CEP128: variants seen among roughly 807,000 people sequenced by gnomAD.
CEP128 encodes the protein centrosomal protein 128, also known as centrosomal protein 128kDa.
CEP128 carries 132 observed loss-of-function variants against 156.7 expected under a neutral mutation model. That is an observed-to-expected ratio of 0.84 (90% CI 0.73 to 0.97). The LOEUF (loss-of-function observed/expected upper bound fraction) is 0.97. Ranked by LOEUF, CEP128 falls within the 50% of genes least tolerant of loss-of-function variation. CEP128 has a pLI of 0.00. For missense variants in CEP128, 1,252 were observed against 1,281.9 expected (o/e 0.98, Z 0.36); for synonymous variants, 469 against 448.9 (o/e 1.04, Z -0.57).
chr14:80,861,693 T>C (rs886213461), intron 9 of CEP128, among the ~76,000 whole-genome samples: 1 of 152,184 alleles, frequency 6.6e-6, no homozygotes, highest in Non-Finnish European at 1.5e-5. Flanking sequence ...TGTGAACCTA[T>C]ATTTTATCCT....
chr14:80,530,810 C>A lies in CEP128; in HGVS notation c.2957G>T (p.Arg986Ile). The A allele has an allele frequency of 3.1e-6, 5 of 1,601,638 alleles. No individual in the cohort carries two copies. The highest frequency in any genetic ancestry group is 4.3e-6 in the Non-Finnish European group (5 of 1,172,692). The change falls in exon 22 of 25, where the codon AGA (arginine) becomes ATA (isoleucine). Residue 986 changes from arginine to isoleucine, a missense_variant and splice_region_variant. Transcript: ENST00000555265. ...AGAGACAAGCCAACTCTTTCTCACT[C>A]TGAAGTCTTTGAAATCTTCTAGTAG... is the stretch of plus-strand genomic sequence containing the variant. ...LSLLEDFKDFRDSCSSSERTD... is the reference protein window; with the variant it reads ...LSLLEDFKDFIDSCSSSERTD...
At chr14:80,739,699 T>C (rs1192767359) in intron 19 of CEP128, among the ~76,000 whole-genome samples, 1 of 152,174 alleles carries the variant, frequency 6.6e-6, no homozygotes, top group Non-Finnish European at 1.5e-5. Context: ...AGTTAAATCA[T>C]AGTATACAAT....
intron 19 of CEP128, among the ~76,000 whole-genome samples, chr14:80,624,852 T>C (rs1033349737): frequency 6.6e-6 from 1 of 152,212 alleles, no homozygotes; most frequent in African/African-American, 2.4e-5. Context: ...AAATATTTTC[T>C]GCCATTCCAC....
At chr14:80,601,723 T>G (rs1014300941) in intron 19 of CEP128, among the ~76,000 whole-genome samples, 1 of 152,174 alleles carries the variant, frequency 6.6e-6, no homozygotes, top group East Asian at 1.9e-4. Flanking sequence ...TATTTACAAA[T>G]ATCTAAACAT....
At chr14:80,820,277 T>C (rs773978657) in intron 13 of CEP128, among the ~76,000 whole-genome samples, 91 of 152,246 alleles carry the variant, frequency 6.0e-4, no homozygotes, top group Non-Finnish European at 1.2e-3. Context: ...TGGATTTGTT[T>C]CCTGATATGC....
At chr14:80,534,226 CT>C (rs35555388) in intron 21 of CEP128, among the ~76,000 whole-genome samples, 86,508 of 149,988 alleles carry the variant, frequency 0.58, 26,159 homozygotes, top group African/African-American at 0.78. Context: ...AACATTGCAA[CT>C]TTTTTTTTTT....
intron 19 of CEP128, among the ~76,000 whole-genome samples, chr14:80,723,900 C>T (rs984259159): frequency 1.3e-5 from 2 of 152,174 alleles, no homozygotes; most frequent in Non-Finnish European, 2.9e-5. Context: ...TACACAGTGT[C>T]CTGGGAAGTT....
chr14:80,785,353 G>T lies in CEP128; in HGVS notation c.1753C>A (p.Leu585Met). The change falls in exon 15 of 25, where the codon CTG becomes ATG. Residue 585 changes from leucine to methionine, a missense_variant. Physicochemically the swap from Leu to Met is conservative, Grantham distance 15. Coordinates refer to ENST00000555265, the MANE Select transcript of CEP128 (RefSeq NM_152446.5). The stretch of plus-strand genomic sequence containing the variant: ...CTCTCCAGTCTATGGATGGTATCCA[G>T]GGAATTCTTAACTTCCAATTCAAGG... ...ADLELEVKNS[L>M]DTIHRLESEL... is the part of the protein sequence containing the mutation. The T allele has an allele frequency of 6.2e-7, 1 of 1,614,058 alleles. No individual in the cohort carries two copies. The highest frequency in any genetic ancestry group is 1.1e-5 in the South Asian group (1 of 91,078).
At chr14:80,637,842 G>C (rs1262992014) in intron 19 of CEP128, among the ~76,000 whole-genome samples, 1 of 152,148 alleles carries the variant, frequency 6.6e-6, no homozygotes, top group Admixed American at 6.5e-5. Flanking sequence ...ACACAGAAAA[G>C]AACACAGTGT....
At chr14:80,821,028 G>A (rs918328287) in intron 13 of CEP128, among the ~76,000 whole-genome samples, 30 of 151,680 alleles carry the variant, frequency 2.0e-4, no homozygotes, top group African/African-American at 7.2e-4. Context: ...TTAGTCATAT[G>A]TTATGTATTA....
chr14:80,955,925 A>C, intron 2 of CEP128: 1 of 1,588,496 alleles, frequency 6.3e-7, no homozygotes, highest in Non-Finnish European at 8.6e-7. Flanking sequence ...AGTGCACAAA[A>C]GCAGCTCAAT....
At chr14:80,907,977 T>C (rs1478924319) in intron 4 of CEP128, among the ~76,000 whole-genome samples, 3 of 152,196 alleles carry the variant, frequency 2.0e-5, no homozygotes, top group African/African-American at 7.2e-5. Flanking sequence ...CTCTTAACTT[T>C]TGCTGTGTTT....
chr14:80,861,017 T>C, intron 9 of CEP128, among the ~76,000 whole-genome samples: 1 of 152,074 alleles, frequency 6.6e-6, no homozygotes, highest in East Asian at 1.9e-4. Context: ...TAAAGGGAAT[T>C]TCAACAATAT....
chr14:80,591,381 T>G (rs192979537), intron 19 of CEP128, among the ~76,000 whole-genome samples: 157 of 151,502 alleles, frequency 1.0e-3, no homozygotes, highest in African/African-American at 3.7e-3. Flanking sequence ...AAAATAGACT[T>G]TAAACCAACA....
At chr14:80,560,924 C>T (rs988728280) in intron 20 of CEP128, among the ~76,000 whole-genome samples, 4 of 151,910 alleles carry the variant, frequency 2.6e-5, no homozygotes, top group African/African-American at 9.7e-5. Context: ...TAATTCTGTC[C>T]CTCTAAGAGA....
At chr14:80,838,341 T>C (rs1886189896) in intron 10 of CEP128, 63 bp from the exon 11 acceptor site, 8 of 1,181,318 alleles carry the variant, frequency 6.8e-6, no homozygotes, top group South Asian at 1.3e-5. Flanking sequence ...TAAATTATTA[T>C]GGGCACAGTT....
intron 19 of CEP128, among the ~76,000 whole-genome samples, chr14:80,670,797 A>G (rs1895809162): frequency 6.6e-6 from 1 of 152,212 alleles, no homozygotes; most frequent in African/African-American, 2.4e-5. Flanking sequence ...ATTTACATAA[A>G]TTTTAAAAAG....
At chr14:80,487,951 G>A (rs1264422321), downstream of CEP128, among the ~76,000 whole-genome samples, 17 of 151,020 alleles carry the variant, frequency 1.1e-4, no homozygotes, top group African/African-American at 1.5e-4. Context: ...ACACCCTAAT[G>A]TCACAATTAA....
chr14:80,709,993 TA>T (rs571951948), intron 19 of CEP128, among the ~76,000 whole-genome samples: 90 of 146,198 alleles, frequency 6.2e-4, no homozygotes, highest in Middle Eastern at 3.6e-3. Flanking sequence ...GGAATTGTCT[TA>T]AAAAAAAAAA....
Sources: gnomAD v4.1 joint callset for allele counts (sites outside exome capture counted in the v4.1 genomes callset) on GRCh38, gnomAD v4.1.1 for gene constraint, MANE v1.5 for transcripts, NCBI Gene and HGNC (gene_info 2026-07-23, HGNC 2026-07-21) for gene names.